ERBB3: variants seen among roughly 807,000 people sequenced by gnomAD.
The protein encoded by ERBB3 is receptor tyrosine-protein kinase erbB-3.
A neutral mutation model predicts 156.7 loss-of-function variants in ERBB3; 96 were observed. That is an observed-to-expected ratio of 0.61 (90% CI 0.52 to 0.73). The LOEUF (loss-of-function observed/expected upper bound fraction) is 0.73. Ranked by LOEUF, ERBB3 falls within the 30% of genes least tolerant of loss-of-function variation. ERBB3 has a pLI of 0.00. For synonymous variants in ERBB3, 567 were observed against 632.0 expected (o/e 0.90, Z 1.54); for missense variants, 1,406 against 1,709.4 (o/e 0.82, Z 3.13).
chr12:56,080,463 G>C, intron 1 of ERBB3, 81 bp downstream of exon 1: 5 of 1,145,282 alleles, frequency 4.4e-6, no homozygotes, highest in Non-Finnish European at 6.3e-6. Context: ...GTATGGGCAC[G>C]GTCTCAGGCG....
intron 3 of ERBB3, 38 bp from the exon 4 acceptor site, chr12:56,086,493 T>C (rs1233547676): frequency 6.2e-7 from 1 of 1,613,620 alleles, no homozygotes; most frequent in Admixed American, 1.7e-5. Context: ...GGCGTTCCGC[T>C]GCGGCCCTTA....
Position 56,101,875 on chromosome 12 carries a change from A to T in ERBB3, c.3849A>T (p.Pro1283=), listed in dbSNP as rs139774513. The T allele has an allele frequency of 2.3e-5, 37 of 1,613,306 alleles. No homozygotes were observed. In the African/African-American group the frequency reaches 4.8e-4, roughly 21 times the overall value. ...ATTATGCAGCCATGGGGGCCTGCCC[A>T]GCATCTGAGCAAGGGTATGAAGAGA... is the stretch of plus-strand genomic sequence containing the variant. ...GGDYAAMGAC[P]ASEQGYEEMR... Residue 1283 remains proline (P), a synonymous_variant, in exon 28 of 28, where the codon CCA becomes CCT. Coordinates refer to ENST00000267101, the MANE Select transcript of ERBB3 (RefSeq NM_001982.4).
At position 56,101,984 on chromosome 12, in the gene ERBB3, G is replaced by C. The variant is rs376777418; in HGVS notation, c.3958G>C (p.Asp1320His). The part of the protein sequence containing the change: ...LKTLRSLEAT[D>H]SAFDNPDYWH... ...AACTCTACGTAGCTTAGAGGCTACA[G>C]ACTCTGCCTTTGATAACCCTGATTA... Residue 1320 changes from aspartate to histidine, a missense_variant, in exon 28 of 28, where the codon GAC becomes CAC. Physicochemically the swap from Asp to His is moderately conservative, Grantham distance 81 (BLOSUM62 -1). This residue lies in a region of ERBB3 where 415 missense variants were observed against 454.1 expected (regional missense o/e 0.91). Transcript: ENST00000267101. 34 of 1,613,718 alleles carry C rather than the reference G, an allele frequency of 2.1e-5. No homozygotes were observed. The highest frequency in any genetic ancestry group is 2.8e-5 in the Non-Finnish European group (33 of 1,180,004).
In ERBB3 at chr12:56,085,123, G is replaced by A. The variant is rs1226891288; in HGVS notation, c.363G>A (p.Leu121=). The A allele has an allele frequency of 1.2e-6, 2 of 1,614,072 alleles. No homozygotes were observed. The highest frequency in any genetic ancestry group is 3.3e-5 in the Admixed American group (2 of 60,000). The change falls in exon 3 of 28, where the codon TTG becomes TTA. Residue 121 remains leucine (L), a synonymous_variant. Transcript: ENST00000267101. Reference sequence around the variant, plus strand: ...GGAAGTTTGCCATCTTCGTCATGTTGAACTATAACACCAACTCCAGCCACG... The same window carrying A: ...GGAAGTTTGCCATCTTCGTCATGTTAAACTATAACACCAACTCCAGCCACG... ...YDGKFAIFVM[L]NYNTNSSHAL... is the part of the protein sequence containing the mutation.
In ERBB3 at chr12:56,086,056, G is replaced by A. The variant is rs373527304; in HGVS notation, c.422-475G>A. Reference sequence around the variant, plus strand: ...TGCACTCCAGCCTGGGCGACAGAGCGAGACTCCAAAAAAAAAAAAAAAAAA... The same window carrying A: ...TGCACTCCAGCCTGGGCGACAGAGCAAGACTCCAAAAAAAAAAAAAAAAAA... On this transcript the variant is annotated intron_variant, in intron 3 of 27. Transcript: ENST00000267101. Among the ~76,000 whole-genome samples the A allele has an allele frequency of 5.1e-3, 537 of 105,654 alleles. 6 individuals carry two copies. Among genetic ancestry groups the A allele is most frequent in the African/African-American group, 0.019 (506 of 27,110 alleles). 69.3% of individuals were successfully genotyped at this position (105,654 alleles called of 152,430 possible).
chr12:56,085,991 C>T (rs562540391), intron 3 of ERBB3, among the ~76,000 whole-genome samples: 23 of 148,608 alleles, frequency 1.5e-4, no homozygotes, highest in Non-Finnish European at 3.1e-4. Context: ...ATGGCGTGAA[C>T]CCGGGAGGCG....
At position 56,101,204 on chromosome 12, in the gene ERBB3, T is replaced by TAGGAGCCGGAGC; in HGVS notation, c.3358_3369dup (p.Arg1120_Ser1123dup). 6.2e-7 allele frequency: 1 copy of TAGGAGCCGGAGC among 1,614,020 alleles called. No homozygotes were observed. The highest frequency in any genetic ancestry group is 8.5e-7 in the Non-Finnish European group (1 of 1,180,000). On this transcript the variant is annotated inframe_insertion, in exon 27 of 28. Coordinates refer to ENST00000267101, the MANE Select transcript of ERBB3 (RefSeq NM_001982.4). ...AGCTCCAGGAGAAAGTGTCAATGTGTAGGAGCCGGAGCAGGAGCCGGAGCC... is the reference window on the plus strand; with the variant it reads ...AGCTCCAGGAGAAAGTGTCAATGTGTAGGAGCCGGAGCAGGAGCCGGAGCAGGAGCCGGAGCC...
rs756926213 is a variant in ERBB3 at position 56,095,724 on chromosome 12, T to C, written c.1973T>C (p.Met658Thr). 2 of 1,614,240 alleles carry C rather than the reference T, an allele frequency of 1.2e-6. No individual in the cohort carries two copies. The highest frequency in any genetic ancestry group is 2.2e-5 in the South Asian group (2 of 91,092). ...GCAGGATTGGTAGTGATTTTCATGA[T>C]GCTGGGCGGCACTTTTCTCTACTGG... ...VIAGLVVIFM[M>T]LGGTFLYWRG... The change falls in exon 17 of 28, where the codon ATG (methionine) becomes ACG (threonine). Residue 658 changes from methionine to threonine, a missense_variant. Transcript: ENST00000267101.
chr12:56,089,455 A>C (rs1202079545), intron 9 of ERBB3, among the ~76,000 whole-genome samples: 3 of 152,156 alleles, frequency 2.0e-5, no homozygotes, highest in African/African-American at 7.2e-5. Flanking sequence ...TTGGATAAAA[A>C]TCTGTCTCCA....
At chr12:56,085,539 G>A (rs1218962385) in intron 3 of ERBB3, 1 of 823,578 alleles carries the variant, frequency 1.2e-6, no homozygotes, top group Non-Finnish European at 1.6e-6. Flanking sequence ...GAGATCAGGA[G>A]TTTGAGACCA....
In ERBB3 at chr12:56,093,539, G is replaced by A. The variant is rs149951770; in HGVS notation, c.1469G>A (p.Arg490His). ...CTAGACATCAAGCATAATCGGCCGC[G>A]CAGAGACTGCGGTGAGGGAAAGGGT... ...ERLDIKHNRP[R>H]RDCVAEGKVC... Residue 490 changes from arginine to histidine, a missense_variant, in exon 12 of 28, where the codon CGC becomes CAC. Coordinates refer to ENST00000267101, the MANE Select transcript of ERBB3 (RefSeq NM_001982.4). 2.6e-4 allele frequency: 411 copies of A among 1,611,564 alleles called. No individual in the cohort carries two copies. Among genetic ancestry groups the A allele is most frequent in the Non-Finnish European group, 3.2e-4 (379 of 1,179,760 alleles).
chr12:56,096,836 C>G lies in ERBB3; in HGVS notation c.2264C>G (p.Ala755Gly). ...EDKSGRQSFQ[A>G]VTDHMLAIGS... ...AAGAGTGGACGGCAGAGTTTTCAAG[C>G]TGTGACAGATGTAAGTGAAGGAAAT... is the stretch of plus-strand genomic sequence containing the variant. Residue 755 changes from alanine (A) to glycine (G), a missense_variant, in exon 19 of 28, where the codon GCT becomes GGT. Ala to Gly is a moderately conservative substitution (Grantham distance 60). Coordinates refer to ENST00000267101, the MANE Select transcript of ERBB3 (RefSeq NM_001982.4). The G allele has an allele frequency of 5.6e-6, 9 of 1,611,640 alleles. No individual in the cohort carries two copies. Among genetic ancestry groups the G allele is most frequent in the Non-Finnish European group, 7.6e-6 (9 of 1,177,878 alleles).
At position 56,097,920 on chromosome 12, in the gene ERBB3, C is replaced by T. The variant is rs140606920; in HGVS notation, c.2596C>T (p.Leu866=). ...CCTGCTGCCTCCTGATGATAAGCAG[C>T]TGCTATACAGTGAGGCCAAGGTGAG... ...ADLLPPDDKQ[L]LYSEAKTPIK... is the part of the protein sequence containing the mutation. The change falls in exon 21 of 28, where the codon CTG becomes TTG. Residue 866 remains leucine (L), a synonymous_variant. Coordinates refer to ENST00000267101, the MANE Select transcript of ERBB3 (RefSeq NM_001982.4). 1.2e-6 allele frequency: 2 copies of T among 1,613,488 alleles called. No individual in the cohort carries two copies. Among genetic ancestry groups the T allele is most frequent in the Non-Finnish European group, 1.7e-6 (2 of 1,180,020 alleles).
At chr12:56,087,676 A>G (rs774493771) in intron 5 of ERBB3, 34 bp downstream of exon 5, 2 of 1,605,880 alleles carry the variant, frequency 1.2e-6, no homozygotes. Flanking sequence ...AACTTCACTC[A>G]TACGCTTTCA....
At chr12:56,093,653 AC>A in intron 12 of ERBB3, 103 bp downstream of exon 12, 1 of 1,567,274 alleles carries the variant, frequency 6.4e-7, no homozygotes, top group Non-Finnish European at 8.7e-7. Flanking sequence ...GAGGGATGGA[AC>A]CAAGGAGAAG....
chr12:56,099,374 C>T (rs1049877856), intron 23 of ERBB3, among the ~76,000 whole-genome samples: 3 of 151,894 alleles, frequency 2.0e-5, no homozygotes, highest in African/African-American at 7.3e-5. Flanking sequence ...CTTGGCTCAC[C>T]GTGACCTCCA....
chr12:56,096,673 AG>A (rs1868899036), intron 18 of ERBB3, 51 bp downstream of exon 18: 2 of 1,613,834 alleles, frequency 1.2e-6, no homozygotes, highest in Non-Finnish European at 1.7e-6. Flanking sequence ...TCTAGGGCAA[AG>A]GGGTGAAAGA....
chr12:56,089,010 T>A lies in ERBB3; in HGVS notation c.1109+142T>A, dbSNP rs769235392. 13 of 1,100,394 alleles carry A rather than the reference T, an allele frequency of 1.2e-5. No individual in the cohort carries two copies. In the Admixed American group the frequency reaches 1.6e-4, roughly 13 times the overall value. 68.2% of individuals were successfully genotyped at this position (1,100,394 alleles called of 1,614,324 possible). A position where few individuals can be genotyped will look rare whatever the true frequency, so the allele number is the denominator to read the frequency against. On this transcript the variant is annotated intron_variant, in intron 9 of 27. Transcript: ENST00000267101. Reference sequence around the variant, plus strand: ...GCCTGTTACAAAGGACCTGAAAGAATGCTTAACACATCCTCCATCCAGGCC... The same window carrying A: ...GCCTGTTACAAAGGACCTGAAAGAAAGCTTAACACATCCTCCATCCAGGCC...
chr12:56,096,006 G>A, intron 17 of ERBB3, 200 bp downstream of exon 17: 1 of 632,362 alleles, frequency 1.6e-6, no homozygotes, highest in South Asian at 1.9e-5. Flanking sequence ...ACTGGTCAGA[G>A]AAATGGGAGG....
Sources: allele counts gnomAD v4.1 joint callset (sites outside exome capture counted in the v4.1 genomes callset), GRCh38; gene constraint gnomAD v4.1.1; regional missense constraint gnomAD v4.1.1; transcripts MANE v1.5; gene names NCBI Gene and HGNC (gene_info 2026-07-23, HGNC 2026-07-21).